The following CDH2 variants were observed in gnomAD, a reference collection of about 807,000 sequenced individuals.
CDH2 encodes cadherin-2.
Under a neutral mutation model 92.0 loss-of-function variants are expected in CDH2, and 17 were observed. The observed-to-expected ratio is 0.18, with a 90% CI of 0.13 to 0.28. CDH2 has a LOEUF of 0.28. CDH2 is among the 10% of genes least tolerant of loss of function. CDH2 has a pLI of 1.00. For missense variants in CDH2, 862 were observed against 1,133.1 expected, an observed-to-expected ratio of 0.76 and a Z score of 3.44; for synonymous variants, 419 against 415.9, an observed-to-expected ratio of 1.01 and a Z score of -0.09.
intron 15 of CDH2, among the ~76,000 whole-genome samples, chr18:27,957,223 T>A (rs1045556381): frequency 6.6e-6 from 1 of 152,014 alleles, no homozygotes; most frequent in Non-Finnish European, 1.5e-5. Flanking sequence ...GAGTCATTCC[T>A]GTGGTCTCTC....
chr18:28,059,532 A>G (rs1207540786), intron 2 of CDH2, among the ~76,000 whole-genome samples: 1 of 152,168 alleles, frequency 6.6e-6, no homozygotes, highest in African/African-American at 2.4e-5. Flanking sequence ...TAAGATTATA[A>G]CCAATTAAAC....
At chr18:28,067,558 G>T (rs1482961270) in intron 2 of CDH2, among the ~76,000 whole-genome samples, 1 of 152,168 alleles carries the variant, frequency 6.6e-6, no homozygotes, top group Non-Finnish European at 1.5e-5. Context: ...AGATGTATCA[G>T]TACTTCATTC....
At chr18:27,993,953 A>G (rs1364945486) in intron 7 of CDH2, among the ~76,000 whole-genome samples, 2 of 152,200 alleles carry the variant, frequency 1.3e-5, no homozygotes, top group African/African-American at 2.4e-5. Context: ...CGAGATTGTG[A>G]TCAAGCATTC....
chr18:28,048,106 G>C (rs771134797), intron 2 of CDH2, among the ~76,000 whole-genome samples: 91 of 151,882 alleles, frequency 6.0e-4, no homozygotes, highest in Non-Finnish European at 9.1e-4. Flanking sequence ...TCAGGCACTA[G>C]AGCAGTCACT....
In CDH2 at chr18:27,973,714, T is replaced by C. The variant is rs1207585094; in HGVS notation, c.2349+9230A>G. Among the ~76,000 whole-genome samples, 4 of 152,348 alleles carry C rather than the reference T, an allele frequency of 2.6e-5. No individual in the cohort carries two copies. In the East Asian group the frequency reaches 7.7e-4, roughly 29 times the overall value. ...TGATCACTTAAACCATTTATTTTTC[T>C]TTCTAGACACACTGAAGGTTATTTC... On this transcript the variant is annotated intron_variant, in intron 14 of 15. Transcript: ENST00000269141.
intron 1 of CDH2, among the ~76,000 whole-genome samples, chr18:28,148,204 A>T (rs2016067704): frequency 6.6e-6 from 1 of 152,152 alleles, no homozygotes; most frequent in Admixed American, 6.5e-5. Context: ...TTTTTAGCTA[A>T]TTTTCTATAA....
intron 2 of CDH2, among the ~76,000 whole-genome samples, chr18:28,109,245 T>C (rs1177583676): frequency 6.6e-6 from 1 of 152,230 alleles, no homozygotes; most frequent in African/African-American, 2.4e-5. Context: ...TTTAGTAGAC[T>C]GGCCTGTGAC....
chr18:28,154,348 G>A (rs765467706), intron 1 of CDH2, among the ~76,000 whole-genome samples: 28 of 152,142 alleles, frequency 1.8e-4, no homozygotes, highest in Non-Finnish European at 3.5e-4. Flanking sequence ...GCCCACCAGC[G>A]TGAAATTCAC....
Position 27,951,373 on chromosome 18 carries a change from T to C in CDH2, c.*780A>G, listed in dbSNP as rs1909439093. 3 of 152,646 alleles carry C rather than the reference T, an allele frequency of 2.0e-5. No individual in the cohort carries two copies. The highest frequency in any genetic ancestry group is 3.9e-4 in the East Asian group (2 of 5,182). The allele number at this position is 152,646 out of a possible 1,614,324, so 9.5% of individuals were successfully genotyped here. ...TAAACATGCAAAAAACCTGAATCCA[T>C]AGTCCAAATAATACATACACATGTT... On this transcript the variant is annotated 3_prime_UTR_variant, in exon 16 of 16. Transcript: ENST00000269141.
chr18:28,135,836 A>C (rs1411032723), intron 2 of CDH2, among the ~76,000 whole-genome samples: 1 of 152,218 alleles, frequency 6.6e-6, no homozygotes, highest in Non-Finnish European at 1.5e-5. Flanking sequence ...TTAAGCCTTG[A>C]AAACCATGCA....
At chr18:28,017,597 G>C (rs1480289026) in intron 2 of CDH2, among the ~76,000 whole-genome samples, 2 of 151,516 alleles carry the variant, frequency 1.3e-5, no homozygotes, top group Non-Finnish European at 2.9e-5. Context: ...ATCTTTTTTG[G>C]TTTCAACTGC....
chr18:28,028,261 C>T (rs1003542946), intron 2 of CDH2, among the ~76,000 whole-genome samples: 9 of 152,006 alleles, frequency 5.9e-5, no homozygotes, highest in African/African-American at 1.9e-4. Flanking sequence ...AATGTGTCCC[C>T]TGAGTAACCA....
intron 1 of CDH2, among the ~76,000 whole-genome samples, chr18:28,162,896 G>A (rs1007815914): frequency 6.6e-6 from 1 of 152,156 alleles, no homozygotes; most frequent in African/African-American, 2.4e-5. Context: ...GAAAATGCAG[G>A]TCAAGTGCTT....
chr18:28,111,911 C>T (rs959801830), intron 2 of CDH2, among the ~76,000 whole-genome samples: 4 of 151,958 alleles, frequency 2.6e-5, no homozygotes, highest in Non-Finnish European at 5.9e-5. Flanking sequence ...TAATTACTTT[C>T]AAAATTTTAA....
At chr18:28,151,460 G>T (rs918390850) in intron 1 of CDH2, among the ~76,000 whole-genome samples, 1 of 152,144 alleles carries the variant, frequency 6.6e-6, no homozygotes, top group Non-Finnish European at 1.5e-5. Context: ...GGAGTGCCAA[G>T]CTCAAAATGT....
chr18:28,114,339 G>T (rs2015460521), intron 2 of CDH2, among the ~76,000 whole-genome samples: 1 of 151,934 alleles, frequency 6.6e-6, no homozygotes, highest in Admixed American at 6.6e-5. Flanking sequence ...ATTGGTCAAA[G>T]AAAAAAGATG....
chr18:28,110,712 T>C (rs1178768823), intron 2 of CDH2, among the ~76,000 whole-genome samples: 1 of 152,116 alleles, frequency 6.6e-6, no homozygotes, highest in African/African-American at 2.4e-5. Context: ...CATACTGTAA[T>C]TGCTAAAGTG....
At chr18:28,029,021 A>T (rs1354337019) in intron 2 of CDH2, among the ~76,000 whole-genome samples, 2 of 152,154 alleles carry the variant, frequency 1.3e-5, no homozygotes, top group African/African-American at 4.8e-5. Flanking sequence ...TAACCAGGAA[A>T]AAATCATGGC....
At chr18:28,029,333 G>C (rs561307538) in intron 2 of CDH2, among the ~76,000 whole-genome samples, 1 of 152,156 alleles carries the variant, frequency 6.6e-6, no homozygotes, top group South Asian at 2.1e-4. Context: ...ATGTAAAAAT[G>C]TCTGACTTTG....
Sources: allele counts gnomAD v4.1 joint callset (sites outside exome capture counted in the v4.1 genomes callset), GRCh38; gene constraint gnomAD v4.1.1; transcripts MANE v1.5; gene names NCBI Gene and HGNC (gene_info 2026-07-23, HGNC 2026-07-21).